Variants in TRIP4 observed in about 807,000 individuals in gnomAD.
The protein encoded by TRIP4 is activating signal cointegrator 1.
A neutral mutation model predicts 81.8 loss-of-function variants in TRIP4; 54 were observed. The observed-to-expected ratio is 0.66, with a 90% CI of 0.53 to 0.83. TRIP4 has a LOEUF of 0.83. TRIP4 is among the 40% of genes least tolerant of loss of function. The pLI, the probability that TRIP4 is intolerant of heterozygous loss-of-function variation, is 0.00. For missense variants in TRIP4, 662 were observed against 683.6 expected, an observed-to-expected ratio of 0.97 and a Z score of 0.35; for synonymous variants, 270 against 242.8, an observed-to-expected ratio of 1.11 and a Z score of -1.04.
chr15:64,453,206 A>G (rs963093930), intron 12 of TRIP4, among the ~76,000 whole-genome samples: 4 of 152,120 alleles, frequency 2.6e-5, no homozygotes, highest in East Asian at 1.9e-4. Flanking sequence ...AACTTATGCA[A>G]TACAGACGAC....
chr15:64,450,388 CAAAAGAAAAAAAAAAAAAAAAAAAAA>C (rs1183645023), intron 12 of TRIP4, among the ~76,000 whole-genome samples: 1 of 26,802 alleles, frequency 3.7e-5, no homozygotes, highest in African/African-American at 1.7e-4. Flanking sequence ...GACTCCGTCT[CAAAAGAAAAAAAAAAAAAAAAAAAAA>C]GAAAGAAAGG....
At chr15:64,423,187 A>G (rs1892057323) in intron 9 of TRIP4, among the ~76,000 whole-genome samples, 2 of 152,022 alleles carry the variant, frequency 1.3e-5, no homozygotes, top group African/African-American at 4.8e-5. Context: ...ATGCAAATGG[A>G]GCCGGGCATG....
chr15:64,431,847 A>ATATATATATATTTT, intron 11 of TRIP4, among the ~76,000 whole-genome samples: 155 of 119,544 alleles, frequency 1.3e-3, no homozygotes, highest in Non-Finnish European at 1.5e-3. Context: ...ATATATATAT[A>ATATATATATATTTT]TTTTTTTTAT....
At chr15:64,441,247 T>C (rs1418784848) in intron 11 of TRIP4, among the ~76,000 whole-genome samples, 1 of 151,842 alleles carries the variant, frequency 6.6e-6, no homozygotes. Context: ...CCGCCCGCTT[T>C]GGCCTCCCAA....
intron 11 of TRIP4, among the ~76,000 whole-genome samples, chr15:64,443,705 T>C (rs1373082923): frequency 6.6e-6 from 1 of 152,148 alleles, no homozygotes. Context: ...ATTAATATGA[T>C]TGTGGCTGAT....
chr15:64,393,810 C>T (rs920606613), intron 1 of TRIP4, 136 bp from the exon 2 acceptor site: 7 of 724,404 alleles, frequency 9.7e-6, no homozygotes, highest in Non-Finnish European at 1.4e-5. Flanking sequence ...TTTCTAGCAC[C>T]TAGCATAGTA....
intron 11 of TRIP4, among the ~76,000 whole-genome samples, chr15:64,427,866 A>G (rs995315661): frequency 1.3e-5 from 2 of 152,188 alleles, no homozygotes; most frequent in Non-Finnish European, 2.9e-5. Context: ...CCATAGACAC[A>G]TGGAGGCTAT....
At chr15:64,435,908 C>A (rs930689697) in intron 11 of TRIP4, among the ~76,000 whole-genome samples, 7 of 91,676 alleles carry the variant, frequency 7.6e-5, no homozygotes, top group African/African-American at 2.6e-4. Flanking sequence ...AAAAAAAAAA[C>A]CTGAAGAAAG....
intron 1 of TRIP4, among the ~76,000 whole-genome samples, chr15:64,389,708 C>CTTTTTTTT (rs368526429): frequency 1.6e-5 from 2 of 127,288 alleles, no homozygotes; most frequent in Non-Finnish European, 3.3e-5. Context: ...AAAATTTTCA[C>CTTTTTTTT]TTTTTTTTTT....
At chr15:64,435,151 G>T (rs1892361742) in intron 11 of TRIP4, among the ~76,000 whole-genome samples, 1 of 148,380 alleles carries the variant, frequency 6.7e-6, no homozygotes, top group South Asian at 2.1e-4. Context: ...GGGAGGCAAG[G>T]GTTGCAGTGA....
chr15:64,400,717 CAT>C (rs751724846), intron 4 of TRIP4, 24 bp from the exon 5 acceptor site: 14 of 1,577,824 alleles, frequency 8.9e-6, no homozygotes, highest in Non-Finnish European at 1.2e-5. Flanking sequence ...TGTTGGATCA[CAT>C]GTCTTACTCT....
chr15:64,396,198 C>T (rs1044673192), intron 3 of TRIP4, among the ~76,000 whole-genome samples: 6 of 150,576 alleles, frequency 4.0e-5, no homozygotes, highest in Non-Finnish European at 7.4e-5. Context: ...CGTGAGCCAC[C>T]GCGCCCAGCC....
chr15:64,418,327 GC>G (rs1349158355), intron 8 of TRIP4, among the ~76,000 whole-genome samples: 2 of 152,160 alleles, frequency 1.3e-5, no homozygotes, highest in African/African-American at 4.8e-5. Flanking sequence ...AGCCAGACTG[GC>G]CTAGAACTCC....
rs1447071488 is a variant in TRIP4, at chr15:64,396,201, G to A, written c.405+670G>A. Reference sequence around the variant, plus strand: ...TAGGATTACAGGCGTGAGCCACCGCGCCCAGCCCTGTTTTTGAACTTTAAA... The same window carrying A: ...TAGGATTACAGGCGTGAGCCACCGCACCCAGCCCTGTTTTTGAACTTTAAA... On this transcript the variant is annotated intron_variant, in intron 3 of 12. Transcript: ENST00000261884. Among the ~76,000 whole-genome samples, 3 of 150,754 alleles carry A rather than the reference G, an allele frequency of 2.0e-5. No individual in the cohort carries two copies. The East Asian group carries it at 5.8e-4, about 29-fold the overall frequency.
rs1475317723 is a variant in TRIP4 at position 64,455,135 on chromosome 15, G to A, written c.*71G>A. The A allele has an allele frequency of 7.2e-7, 1 of 1,393,084 alleles. No homozygotes were observed. Among genetic ancestry groups the A allele is most frequent in the African/African-American group, 1.4e-5 (1 of 69,812 alleles). 86.3% of individuals were successfully genotyped at this position (1,393,084 alleles called of 1,614,324 possible). ...AAAATTGCTATCTACTGGTCCTTTG[G>A]AATTGAAGTAGTAGAAACCTAAAGG... On this transcript the variant is annotated 3_prime_UTR_variant, in exon 13 of 13. Coordinates refer to ENST00000261884, the MANE Select transcript of TRIP4 (RefSeq NM_016213.5).
At position 64,445,134 on chromosome 15, in the gene TRIP4, G is replaced by A. The variant is rs79702002; in HGVS notation, c.1678+26G>A. The A allele has an allele frequency of 5.0e-3, 6,471 of 1,306,514 alleles. 247 individuals carry two copies. In the African/African-American group the frequency reaches 0.083, roughly 17 times the overall value. 80.9% of individuals were successfully genotyped at this position (1,306,514 alleles called of 1,614,324 possible). A position where few individuals can be genotyped will look rare whatever the true frequency, so the allele number is the denominator to read the frequency against. ...GTAAGTCATGATTTTTTTTCTTTAA[G>A]ACTAGTCAAGTGCAGTAGTAAGGAA... On this transcript the variant is annotated intron_variant, in intron 12 of 12. Transcript: ENST00000261884.
rs1259387573 is a variant in TRIP4, at chr15:64,406,552, G to A, written c.827+93G>A. 6 of 1,445,046 alleles carry A rather than the reference G, an allele frequency of 4.2e-6. No individual in the cohort carries two copies. In the East Asian group the frequency reaches 1.2e-4, roughly 29 times the overall value. The allele number at this position is 1,445,046 out of a possible 1,614,324, so 89.5% of individuals were successfully genotyped here. The stretch of plus-strand genomic sequence containing the variant: ...GTACTTGATACCTTCTCAAAGTGGA[G>A]TGTGAAAGAGTTTATAGCAAAAGAA... On this transcript the variant is annotated intron_variant, in intron 6 of 12. Coordinates refer to ENST00000261884, the MANE Select transcript of TRIP4 (RefSeq NM_016213.5).
chr15:64,395,268 T>C (rs1900254321), intron 2 of TRIP4, 130 bp from the exon 3 acceptor site: 2 of 748,892 alleles, frequency 2.7e-6, no homozygotes, highest in Non-Finnish European at 3.8e-6. Context: ...AAAAGATAAT[T>C]AAAAATCTTC....
rs376895923 is a variant in TRIP4, at chr15:64,398,305, C to T, written c.618+487C>T. Reference sequence around the variant, plus strand: ...AGGTTAGGCCAGGCACAGTGGCACACGCCTGTAGTCCCAACACTTTGGGAA... The same window carrying T: ...AGGTTAGGCCAGGCACAGTGGCACATGCCTGTAGTCCCAACACTTTGGGAA... On this transcript the variant is annotated intron_variant, in intron 4 of 12. Coordinates refer to ENST00000261884, the MANE Select transcript of TRIP4 (RefSeq NM_016213.5). Among the ~76,000 whole-genome samples, 10 of 151,488 alleles carry T rather than the reference C, an allele frequency of 6.6e-5. No individual in the cohort carries two copies. The East Asian group carries it at 7.8e-4, about 12-fold the overall frequency.
Sources: allele counts gnomAD v4.1 joint callset (sites outside exome capture counted in the v4.1 genomes callset), GRCh38; gene constraint gnomAD v4.1.1; transcripts MANE v1.5; gene names NCBI Gene and HGNC (gene_info 2026-07-23, HGNC 2026-07-21).